The following MUC4 variants were observed in gnomAD, a reference collection of about 807,000 sequenced individuals.
MUC4 encodes the protein mucin 4, cell surface associated.
MUC4 carries 202 observed loss-of-function variants against 257.9 expected under a neutral mutation model. That is an observed-to-expected ratio of 0.78 (90% CI 0.70 to 0.88). The LOEUF is 0.88. Ranked by LOEUF, MUC4 falls within the 40% of genes least tolerant of loss-of-function variation. MUC4 has a pLI of 0.00. For missense variants in MUC4, 5,976 were observed against 6,513.7 expected (o/e 0.92, Z 2.84); for synonymous variants, 2,351 against 2,757.1 (o/e 0.85, Z 4.62).
chr3:195,750,782 C>T, intron 23 of MUC4, 107 bp downstream of exon 23: 1 of 1,122,590 alleles, frequency 8.9e-7, no homozygotes, highest in Non-Finnish European at 1.3e-6. Flanking sequence ...CGCTCAAAAC[C>T]AAACAAACAG....
intron 24 of MUC4, among the ~76,000 whole-genome samples, chr3:195,748,407 T>C (rs1453530975): frequency 6.6e-6 from 1 of 152,204 alleles, no homozygotes; most frequent in Non-Finnish European, 1.5e-5. Context: ...CTACTAAAAA[T>C]GCAAAAATCA....
rs1718269625 is a variant in MUC4 at position 195,759,150 on chromosome 3, T to A, written c.14960A>T (p.Asp4987Val). Residue 4987 changes from aspartate (D) to valine (V), a missense_variant, in exon 17 of 25, where the codon GAC becomes GTC. Around this residue, in one of 44 missense-constraint regions of MUC4, gnomAD observed 996 missense variants for 1,137.3 expected, o/e 0.88. Transcript: ENST00000463781. ...NAEDANFTLR[D>V]SCTDLELFEN... ...AAAGAGCTCCAAGTCGGTGCAGCTG[T>A]CTCTGAGCGTGAAGTTGGCATCCTC... is the stretch of plus-strand genomic sequence containing the variant. 6.2e-7 allele frequency: 1 copy of A among 1,613,864 alleles called. No individual in the cohort carries two copies. The highest frequency in any genetic ancestry group is 1.1e-5 in the South Asian group (1 of 91,072).
At chr3:195,773,892 C>T (rs1014774584) in intron 4 of MUC4, among the ~76,000 whole-genome samples, 2 of 152,246 alleles carry the variant, frequency 1.3e-5, no homozygotes, top group Non-Finnish European at 2.9e-5. Context: ...GAGACAAATC[C>T]CAGAAGGTGG....
intron 24 of MUC4, among the ~76,000 whole-genome samples, chr3:195,747,961 A>G (rs888821587): frequency 6.9e-6 from 1 of 144,850 alleles, no homozygotes; most frequent in Non-Finnish European, 1.5e-5. Context: ...GCGCAGTCAC[A>G]CCCCCGCCCC....
chr3:195,774,257 A>T lies in MUC4; in HGVS notation c.12992T>A (p.Val4331Asp). The stretch of plus-strand genomic sequence containing the variant: ...GGAGGTGAAGTCCACGGTCCTCCTG[A>T]CGAACTCCAGGTCCCCGGCGCCTGC... ...YGAGAGDLEF[V>D]RRTVDFTSPL... The change falls in exon 4 of 25, where the codon GTC becomes GAC. Residue 4331 changes from valine to aspartate, a missense_variant. Val to Asp is a radical substitution (Grantham distance 152). This residue lies in a region of MUC4 where 233 missense variants were observed against 171.2 expected (regional missense o/e 1.36). Transcript: ENST00000463781. The T allele has an allele frequency of 6.3e-7, 1 of 1,599,918 alleles. No individual in the cohort carries two copies. Among genetic ancestry groups the T allele is most frequent in the South Asian group, 1.1e-5 (1 of 89,640 alleles).
rs776850384 is a variant in MUC4 at position 195,757,704 on chromosome 3, C to T, written c.14987-376G>A. ...CAGGCTGCGCTGCCGGCCAAACTGG[C>T]TTCACTCTCACGGCAGCCCCATCCT... On this transcript the variant is annotated intron_variant, in intron 17 of 24. Transcript: ENST00000463781. The surrounding 1 kb of genome is among the most constrained non-coding windows in gnomAD (Gnocchi z 4.8). 3.1e-4 allele frequency among the ~76,000 whole-genome samples: 47 copies of T among 152,298 alleles called. No individual in the cohort carries two copies. Among genetic ancestry groups the T allele is most frequent in the Non-Finnish European group, 5.7e-4 (39 of 68,026 alleles).
chr3:195,754,511 C>G lies in MUC4; in HGVS notation c.15169-139G>C, dbSNP rs565497460. 19 of 1,163,936 alleles carry G rather than the reference C, an allele frequency of 1.6e-5. No individual in the cohort carries two copies. The African/African-American group carries it at 2.8e-4, about 17-fold the overall frequency. The allele number at this position is 1,163,936 out of a possible 1,614,324, so 72.1% of individuals were successfully genotyped here. On this transcript the variant is annotated intron_variant, in intron 18 of 24. Coordinates refer to ENST00000463781, the MANE Select transcript of MUC4 (RefSeq NM_018406.7). ...AGCCCCACCAGCACCTGCTGAGCAC[C>G]TTCTTGACCAGGCCGTGGGGCGGCA...
At chr3:195,754,921 TATGC>T (rs1304404302) in intron 18 of MUC4, among the ~76,000 whole-genome samples, 28 of 146,706 alleles carry the variant, frequency 1.9e-4, no homozygotes, top group Admixed American at 1.6e-3. Context: ...GTCATGCATG[TATGC>T]ATGTATCCAT....
chr3:195,797,110 A>G (rs1734671339), intron 1 of MUC4, among the ~76,000 whole-genome samples: 1 of 151,734 alleles, frequency 6.6e-6, no homozygotes, highest in Non-Finnish European at 1.5e-5. Flanking sequence ...ATTTTTTTGG[A>G]TTACAGGTGT....
Position 195,770,258 on chromosome 3 carries a change from C to T in MUC4, c.13356G>A (p.Thr4452=), listed in dbSNP as rs149702313. The T allele has an allele frequency of 2.4e-5, 38 of 1,613,640 alleles. No homozygotes were observed. The highest frequency in any genetic ancestry group is 4.5e-5 in the East Asian group (2 of 44,874). Residue 4452 remains threonine, a synonymous_variant, in exon 6 of 25, where the codon ACG becomes ACA. Coordinates refer to ENST00000463781, the MANE Select transcript of MUC4 (RefSeq NM_018406.7). ...CAGGATAGGCGTGGGCATTGACCCA[C>T]GTGACCTTTAGGGCCCACCTGGCCT... ...GYKARWALKV[T]WVNAHAYPAQ...
rs1723796052 is a variant in MUC4, at chr3:195,774,078, C to T, written c.13077+94G>A. 7 of 1,403,222 alleles carry T rather than the reference C, an allele frequency of 5.0e-6. No homozygotes were observed. The African/African-American group carries it at 6.0e-5, about 12-fold the overall frequency. 86.9% of individuals were successfully genotyped at this position (1,403,222 alleles called of 1,614,324 possible). On this transcript the variant is annotated intron_variant, in intron 4 of 24. Transcript: ENST00000463781. Reference sequence around the variant, plus strand: ...TGGACGAGGGGCCCAGCCAAGGCTGCTTCCATTCCCGCTTCCTCTGGGTTC... The same window carrying T: ...TGGACGAGGGGCCCAGCCAAGGCTGTTTCCATTCCCGCTTCCTCTGGGTTC...
At chr3:195,807,683 T>C (rs1736154224) in intron 1 of MUC4, among the ~76,000 whole-genome samples, 1 of 152,200 alleles carries the variant, frequency 6.6e-6, no homozygotes, top group African/African-American at 2.4e-5. Context: ...AAGGTCTCTG[T>C]CCTGGCCTTC....
chr3:195,746,946 G>A lies in MUC4; in HGVS notation c.*230C>T, dbSNP rs535485243. The A allele has an allele frequency of 3.8e-5, 24 of 635,230 alleles. No individual in the cohort carries two copies. The East Asian group carries it at 3.8e-4, about 10-fold the overall frequency. 39.3% of individuals were successfully genotyped at this position (635,230 alleles called of 1,614,324 possible). Reference sequence around the variant, plus strand: ...CAGGCTAGTGTCCTTCTGTGGGTGTGTCTGCGTGAGGACCCATCCATGCAT... The same window carrying A: ...CAGGCTAGTGTCCTTCTGTGGGTGTATCTGCGTGAGGACCCATCCATGCAT... On this transcript the variant is annotated 3_prime_UTR_variant, in exon 25 of 25. Transcript: ENST00000463781.
At position 195,801,949 on chromosome 3, in the gene MUC4, C is replaced by T. The variant is rs371293269; in HGVS notation, c.82+9787G>A. Among the ~76,000 whole-genome samples the T allele has an allele frequency of 8.5e-5, 13 of 152,234 alleles. No individual in the cohort carries two copies. In the South Asian group the frequency reaches 2.1e-3, roughly 24 times the overall value. On this transcript the variant is annotated intron_variant, in intron 1 of 24. Coordinates refer to ENST00000463781, the MANE Select transcript of MUC4 (RefSeq NM_018406.7). ...CACTCCCCTTGCCACCTCTCTCCCCCGCTCCACGCCCAGATGACATGTCTC... is the reference window on the plus strand; with the variant it reads ...CACTCCCCTTGCCACCTCTCTCCCCTGCTCCACGCCCAGATGACATGTCTC...
Position 195,781,939 on chromosome 3 carries a change from G to C in MUC4, c.9641C>G (p.Ala3214Gly). 2 of 1,413,122 alleles carry C rather than the reference G, an allele frequency of 1.4e-6. No homozygotes were observed. 87.5% of individuals were successfully genotyped at this position (1,413,122 alleles called of 1,614,324 possible). ...TDASSASTGQATPLPVTSLSS... is the reference protein window; with the variant it reads ...TDASSASTGQGTPLPVTSLSS... ...AAGGCTGGTGACAGGAAGAGGGGTG[G>C]CCTGACCTGTGGATGCTGAGGAAGC... The change falls in exon 2 of 25, where the codon GCC (alanine) becomes GGC (glycine). Residue 3214 changes from alanine (A) to glycine (G), a missense_variant. By Grantham distance (60) the Ala-to-Gly change is moderately conservative. Coordinates refer to ENST00000463781, the MANE Select transcript of MUC4 (RefSeq NM_018406.7).
intron 1 of MUC4, among the ~76,000 whole-genome samples, chr3:195,811,234 C>T (rs111232992): frequency 0.1 from 15,395 of 151,152 alleles, 2,089 homozygotes; most frequent in African/African-American, 0.31. Flanking sequence ...AGTGCAGTGG[C>T]GCGATCTTGG....
intron 1 of MUC4, among the ~76,000 whole-genome samples, chr3:195,799,067 C>T (rs904722236): frequency 2.6e-5 from 4 of 152,184 alleles, no homozygotes; most frequent in African/African-American, 7.2e-5. Context: ...AGGAGCAGGT[C>T]TCTCTCCTGT....
At chr3:195,767,838 C>CCACCATCACCAT (rs1553861198) in intron 7 of MUC4, among the ~76,000 whole-genome samples, 10 of 135,368 alleles carry the variant, frequency 7.4e-5, no homozygotes, top group African/African-American at 2.7e-4. Flanking sequence ...ACCATCACCA[C>CCACCATCACCAT]CACCACCATC....
In MUC4 at chr3:195,762,138, C is replaced by T. The variant is rs2246901; in HGVS notation, c.14461G>A (p.Ala4821Thr). 1.2e-6 allele frequency: 2 copies of T among 1,605,562 alleles called. No individual in the cohort carries two copies. The highest frequency in any genetic ancestry group is 2.7e-5 in the African/African-American group (2 of 74,670). Residue 4821 changes from alanine to threonine, a missense_variant, in exon 14 of 25, where the codon GCC becomes ACC. This residue lies in a region of MUC4 where 996 missense variants were observed against 1,137.3 expected (regional missense o/e 0.88). Transcript: ENST00000463781. ...TACTCGGGCGGGAGGCTGGCGGAGGCGTGGAGGATGTTGGAGAGCGCGATC... is the reference window on the plus strand; with the variant it reads ...TACTCGGGCGGGAGGCTGGCGGAGGTGTGGAGGATGTTGGAGAGCGCGATC... ...SVIALSNILHASASLPPEYQN... is the reference protein window; with the variant it reads ...SVIALSNILHTSASLPPEYQN...
Sources: allele counts gnomAD v4.1 joint callset (sites outside exome capture counted in the v4.1 genomes callset), GRCh38; gene constraint gnomAD v4.1.1; regional missense constraint gnomAD v4.1.1; non-coding constraint Gnocchi (gnomAD v3.1); transcripts MANE v1.5; gene names NCBI Gene and HGNC (gene_info 2026-07-23, HGNC 2026-07-21).